AP3S1: variants seen among roughly 807,000 people sequenced by gnomAD.
AP3S1 encodes the protein adaptor related protein complex 3 subunit sigma 1, also known as AP-3 complex subunit sigma-1.
Under a neutral mutation model 21.3 loss-of-function variants are expected in AP3S1, and 12 were observed. The ratio of observed to expected loss-of-function variants is 0.56; its 90% CI spans 0.36 to 0.91. The LOEUF (loss-of-function observed/expected upper bound fraction) is 0.91, where lower values mean the gene tolerates loss of function less well. AP3S1 is among the 40% of genes least tolerant of loss of function. The pLI is 0.01. For synonymous variants in AP3S1, 48 were observed against 78.4 expected (o/e 0.61, Z 2.05); for missense variants, 116 against 225.0 (o/e 0.52, Z 3.10).
chr5:115,903,100 C>A, intron 5 of AP3S1, 108 bp downstream of exon 5: 1 of 777,364 alleles, frequency 1.3e-6, no homozygotes, highest in Non-Finnish European at 2.1e-6. Context: ...TTAGGTTCAG[C>A]CGTTATGCTT....
intron 1 of AP3S1, among the ~76,000 whole-genome samples, chr5:115,848,105 A>T (rs1762188642): frequency 6.6e-6 from 1 of 151,786 alleles, no homozygotes; most frequent in African/African-American, 2.4e-5. Context: ...AGGTCATTTC[A>T]TGGCTTTTCT....
intron 3 of AP3S1, among the ~76,000 whole-genome samples, chr5:115,875,956 G>A (rs1281583927): frequency 6.6e-6 from 1 of 152,100 alleles, no homozygotes; most frequent in East Asian, 1.9e-4. Context: ...TGCTATTTGT[G>A]ACAAATCCTG....
chr5:115,906,890 A>G (rs1349698693), intron 5 of AP3S1: 5 of 1,476,846 alleles, frequency 3.4e-6, no homozygotes, highest in Non-Finnish European at 3.6e-6. Flanking sequence ...AATATGTACT[A>G]TAACAAAGGG....
At chr5:115,911,066 G>C (rs1426299170) in intron 5 of AP3S1, among the ~76,000 whole-genome samples, 6 of 152,066 alleles carry the variant, frequency 3.9e-5, no homozygotes, top group Non-Finnish European at 5.9e-5. Context: ...GCACAAATAT[G>C]CTATTTAAAT....
intron 5 of AP3S1, among the ~76,000 whole-genome samples, chr5:115,907,495 A>G (rs778198034): frequency 6.6e-6 from 1 of 152,182 alleles, no homozygotes; most frequent in Non-Finnish European, 1.5e-5. Context: ...TGGCCAACAG[A>G]AAATAAGATC....
intron 1 of AP3S1, among the ~76,000 whole-genome samples, chr5:115,865,385 G>A (rs1249881200): frequency 1.3e-5 from 2 of 152,084 alleles, no homozygotes; most frequent in Admixed American, 6.5e-5. Flanking sequence ...AATGCATGGG[G>A]GATCAGCATC....
intron 3 of AP3S1, among the ~76,000 whole-genome samples, chr5:115,877,121 G>T (rs12513891): frequency 0.11 from 16,652 of 151,918 alleles, 1,626 homozygotes; most frequent in East Asian, 0.33. Context: ...AAATGGTGGG[G>T]TTTTTTTCTA....
At chr5:115,885,936 AG>A (rs1469168856) in intron 3 of AP3S1, among the ~76,000 whole-genome samples, 2 of 152,186 alleles carry the variant, frequency 1.3e-5, no homozygotes, top group African/African-American at 4.8e-5. Context: ...GGGTGCTGTA[AG>A]TATGGACAGT....
At chr5:115,907,340 T>G (rs537023820) in intron 5 of AP3S1, among the ~76,000 whole-genome samples, 23 of 152,260 alleles carry the variant, frequency 1.5e-4, no homozygotes, top group African/African-American at 5.1e-4. Context: ...AGCTGAACCT[T>G]CAGAGTTTTG....
At chr5:115,906,587 G>A (rs1175853436) in intron 5 of AP3S1, among the ~76,000 whole-genome samples, 2 of 152,074 alleles carry the variant, frequency 1.3e-5, no homozygotes, top group African/African-American at 4.8e-5. Flanking sequence ...GGAGGTTGAT[G>A]GGATTCGGGG....
At chr5:115,854,405 T>C (rs1264354150) in intron 1 of AP3S1, among the ~76,000 whole-genome samples, 1 of 152,178 alleles carries the variant, frequency 6.6e-6, no homozygotes, top group Non-Finnish European at 1.5e-5. Context: ...TAAAGAAATT[T>C]AATGAGATAT....
At chr5:115,908,116 G>A (rs1751806997) in intron 5 of AP3S1, among the ~76,000 whole-genome samples, 1 of 152,042 alleles carries the variant, frequency 6.6e-6, no homozygotes, top group South Asian at 2.1e-4. Flanking sequence ...TGGCTTTATA[G>A]TATCTTATTT....
At position 115,871,694 on chromosome 5, in the gene AP3S1, A is replaced by T. The variant is rs552661558; in HGVS notation, c.273+1566A>T. ...CTGAACATACCTAGAGGAAAAAAAAAAGTAACCATATTTACCAGTCTCACT... is the reference window on the plus strand; with the variant it reads ...CTGAACATACCTAGAGGAAAAAAAATAGTAACCATATTTACCAGTCTCACT... On this transcript the variant is annotated intron_variant, in intron 3 of 5. Transcript: ENST00000316788. Among the ~76,000 whole-genome samples the T allele has an allele frequency of 3.3e-5, 5 of 152,228 alleles. No individual in the cohort carries two copies. The East Asian group carries it at 9.7e-4, about 29-fold the overall frequency.
At position 115,845,638 on chromosome 5, in the gene AP3S1, A is replaced by G. The variant is rs533452605; in HGVS notation, c.69+3532A>G. ...CACCTGAGGTCAAGAGTTCAAGACC[A>G]GTGTGGCCAACATGGTGAAACCCCA... On this transcript the variant is annotated intron_variant, in intron 1 of 5. Transcript: ENST00000316788. Among the ~76,000 whole-genome samples the G allele has an allele frequency of 2.6e-4, 40 of 152,138 alleles. No homozygotes were observed. The East Asian group carries it at 7.4e-3, about 28-fold the overall frequency.
Position 115,869,885 on chromosome 5 carries a change from C to T in AP3S1, c.162-132C>T, listed in dbSNP as rs542437085. On this transcript the variant is annotated intron_variant, in intron 2 of 5. Coordinates refer to ENST00000316788, the MANE Select transcript of AP3S1 (RefSeq NM_001284.4). ...TTCACCTAGTCTCTGAATAAGTTCA[C>T]TTAAATACTTTGCCATTGAATGTCA... The T allele has an allele frequency of 1.7e-4, 95 of 546,204 alleles. 2 individuals are homozygous for T. In the South Asian group the frequency reaches 2.2e-3, roughly 13 times the overall value. 33.8% of individuals were successfully genotyped at this position (546,204 alleles called of 1,614,324 possible). A position where few individuals can be genotyped will look rare whatever the true frequency, so the allele number is the denominator to read the frequency against.
chr5:115,904,312 A>G (rs562968957), intron 5 of AP3S1, among the ~76,000 whole-genome samples: 2 of 152,316 alleles, frequency 1.3e-5, no homozygotes, highest in African/African-American at 4.8e-5. Context: ...GAGTTCTGAA[A>G]AATTTTACCT....
At chr5:115,906,058 T>A (rs1289840034) in intron 5 of AP3S1, among the ~76,000 whole-genome samples, 1 of 152,176 alleles carries the variant, frequency 6.6e-6, no homozygotes, top group East Asian at 1.9e-4. Context: ...CTCTGGAGCC[T>A]GACGCGCAAG....
chr5:115,909,068 T>A (rs985635697), intron 5 of AP3S1: 27 of 697,598 alleles, frequency 3.9e-5, no homozygotes, highest in Non-Finnish European at 4.7e-5. Context: ...ACTACCATCT[T>A]ATTATGCTGT....
chr5:115,885,040 C>T (rs370414419), intron 3 of AP3S1, among the ~76,000 whole-genome samples: 184 of 152,330 alleles, frequency 1.2e-3, no homozygotes, highest in African/African-American at 4.1e-3. Flanking sequence ...TTCCAGAAGT[C>T]TGCACTAACA....
Sources: allele counts gnomAD v4.1 joint callset (sites outside exome capture counted in the v4.1 genomes callset), GRCh38; gene constraint gnomAD v4.1.1; transcripts MANE v1.5; gene names NCBI Gene and HGNC (gene_info 2026-07-23, HGNC 2026-07-21).